ZC2HC1B: variants seen among roughly 807,000 people sequenced by gnomAD.
ZC2HC1B encodes zinc finger C2HC-type containing 1B, also known as zinc finger C2HC domain-containing protein 1B.
In ZC2HC1B, 36 loss-of-function variants were observed where a neutral mutation model predicts 31.0. The ratio of observed to expected loss-of-function variants is 1.16; its 90% confidence interval spans 0.89 to 1.54. The LOEUF (loss-of-function observed/expected upper bound fraction) is 1.54. Ranked by LOEUF, ZC2HC1B falls within the 40% of genes most tolerant of loss-of-function variation. The probability of loss-of-function intolerance (pLI) is 0.00; values close to 1 mark genes in which losing one functional copy is unlikely to be tolerated. For synonymous variants in ZC2HC1B, 73 were observed against 88.0 expected, an observed-to-expected ratio of 0.83 and a Z score of 0.95; for missense variants, 260 against 268.6, an observed-to-expected ratio of 0.97 and a Z score of 0.22.
At chr6:143,920,798 C>T (rs1385954769) in intron 6 of ZC2HC1B, among the ~76,000 whole-genome samples, 1 of 151,478 alleles carries the variant, frequency 6.6e-6, no homozygotes, top group Non-Finnish European at 1.5e-5. Flanking sequence ...ATCCCAGCTA[C>T]TCGGGAGGCT....
intron 1 of ZC2HC1B, 111 bp downstream of exon 1, chr6:143,864,678 G>T (rs371419948): frequency 8.5e-7 from 1 of 1,180,960 alleles, no homozygotes; most frequent in Admixed American, 2.1e-5. Flanking sequence ...TGTGTGATCC[G>T]TTTAAATCTA....
At chr6:143,881,856 T>C (rs1777472321) in intron 1 of ZC2HC1B, 1 of 152,162 alleles carries the variant, frequency 6.6e-6, no homozygotes, top group Non-Finnish European at 1.5e-5. Flanking sequence ...TCCATCTGTA[T>C]CCAAGTATTG....
At position 143,886,198 on chromosome 6, in the gene ZC2HC1B, C is replaced by T; in HGVS notation, c.210+47C>T. 7.0e-7 allele frequency: 1 copy of T among 1,426,862 alleles called. No homozygotes were observed. The highest frequency in any genetic ancestry group is 1.6e-5 in the South Asian group (1 of 60,994). 88.4% of individuals were successfully genotyped at this position (1,426,862 alleles called of 1,614,324 possible). Reference sequence around the variant, plus strand: ...GTGTTTGTTATTACATTCTGCGGTACTGTAAGGCCTATTTCTGGGATTTCT... The same window carrying T: ...GTGTTTGTTATTACATTCTGCGGTATTGTAAGGCCTATTTCTGGGATTTCT... On this transcript the variant is annotated intron_variant, in intron 3 of 7. Transcript: ENST00000237275. The surrounding 1 kb of genome is among the most constrained non-coding windows in gnomAD (Gnocchi z 4.2).
chr6:143,919,952 C>T (rs939630982), intron 6 of ZC2HC1B, among the ~76,000 whole-genome samples: 1 of 151,994 alleles, frequency 6.6e-6, no homozygotes. Context: ...TTAGTTTTTT[C>T]CTCATTTGGG....
At chr6:143,928,420 A>G (rs986519514) in intron 6 of ZC2HC1B, among the ~76,000 whole-genome samples, 1 of 152,068 alleles carries the variant, frequency 6.6e-6, no homozygotes, top group Non-Finnish European at 1.5e-5. Flanking sequence ...TCAGTTGGCT[A>G]TAGGTATGTG....
At chr6:143,928,609 A>G (rs531311826) in intron 6 of ZC2HC1B, among the ~76,000 whole-genome samples, 1 of 151,664 alleles carries the variant, frequency 6.6e-6, no homozygotes, top group South Asian at 2.1e-4. Context: ...TTTTTTTTCT[A>G]ATTCTGTGAA....
intron 5 of ZC2HC1B, among the ~76,000 whole-genome samples, chr6:143,902,798 C>T (rs992267283): frequency 1.3e-5 from 2 of 152,134 alleles, no homozygotes; most frequent in Admixed American, 1.3e-4. Flanking sequence ...CCACCAACCC[C>T]AAGGGCTTAA....
At position 143,872,238 on chromosome 6, in the gene ZC2HC1B, A is replaced by G. The variant is rs2128493158; in HGVS notation, c.28+7671A>G. Among the ~76,000 whole-genome samples, 1 of 152,288 alleles carries G rather than the reference A, an allele frequency of 6.6e-6. No individual in the cohort carries two copies. Among genetic ancestry groups the G allele is most frequent in the East Asian group, 1.9e-4 (1 of 5,180 alleles). ...GTTCGTAAACTGGCTCAAGTCTGGA[A>G]ATTAAGGGGCCATGATTCTCTGTTT... On this transcript the variant is annotated intron_variant, in intron 1 of 7. Coordinates refer to ENST00000237275, the MANE Select transcript of ZC2HC1B (RefSeq NM_001013623.3). The surrounding 1 kb of genome is among the most constrained non-coding windows in gnomAD (Gnocchi z 5.5).
At chr6:143,889,150 T>C (rs1310151267) in intron 4 of ZC2HC1B, among the ~76,000 whole-genome samples, 1 of 151,978 alleles carries the variant, frequency 6.6e-6, no homozygotes, top group Non-Finnish European at 1.5e-5. Context: ...TATAGTGTCA[T>C]TTAAAGGTAG....
rs760718470 is a variant in ZC2HC1B at position 143,885,985 on chromosome 6, C to A, written c.91-47C>A. 1 of 1,471,172 alleles carries A rather than the reference C, an allele frequency of 6.8e-7. No individual in the cohort carries two copies. The highest frequency in any genetic ancestry group is 9.0e-7 in the Non-Finnish European group (1 of 1,112,200). 91.1% of individuals were successfully genotyped at this position (1,471,172 alleles called of 1,614,324 possible). ...TCTAGGTACACCTAGGCATTAAAAA[C>A]TGATTGTGCACTTTAGAAATTCCAA... On this transcript the variant is annotated intron_variant, in intron 2 of 7. Coordinates refer to ENST00000237275, the MANE Select transcript of ZC2HC1B (RefSeq NM_001013623.3). The surrounding 1 kb of genome is among the most constrained non-coding windows in gnomAD (Gnocchi z 4.2).
rs536054979 is a variant in ZC2HC1B, at chr6:143,873,676, C to T, written c.28+9109C>T. 1.0e-4 allele frequency among the ~76,000 whole-genome samples: 16 copies of T among 152,396 alleles called. No homozygotes were observed. The South Asian group carries it at 3.3e-3, about 32-fold the overall frequency. On this transcript the variant is annotated intron_variant, in intron 1 of 7. Transcript: ENST00000237275. Reference sequence around the variant, plus strand: ...ATATGGAAGCTGCCAAGGCTTGGGGCTTCCACCCTCTGAAGGCATAGCCCG... The same window carrying T: ...ATATGGAAGCTGCCAAGGCTTGGGGTTTCCACCCTCTGAAGGCATAGCCCG...
At chr6:143,936,953 T>C (rs1778186089) in intron 6 of ZC2HC1B, among the ~76,000 whole-genome samples, 1 of 152,194 alleles carries the variant, frequency 6.6e-6, no homozygotes, top group African/African-American at 2.4e-5. Flanking sequence ...CTTTGAGAGT[T>C]TGATTCACAA....
rs1239107846 is a variant in ZC2HC1B, at chr6:143,895,773, T to C, written c.350-2779T>C. ...ATAGACACGGATACACAGCACAATA[T>C]TGGCATTTTAAAATAATGCTTGGTT... is the stretch of plus-strand genomic sequence containing the variant. On this transcript the variant is annotated intron_variant, in intron 4 of 7. Transcript: ENST00000237275. The surrounding 1 kb of genome is among the most constrained non-coding windows in gnomAD (Gnocchi z 4.8). Among the ~76,000 whole-genome samples, 1 of 152,212 alleles carries C rather than the reference T, an allele frequency of 6.6e-6. No homozygotes were observed. The highest frequency in any genetic ancestry group is 1.5e-5 in the Non-Finnish European group (1 of 68,040).
intron 1 of ZC2HC1B, among the ~76,000 whole-genome samples, chr6:143,874,711 A>G (rs1048854139): frequency 2.0e-5 from 3 of 152,226 alleles, no homozygotes; most frequent in Non-Finnish European, 4.4e-5. Flanking sequence ...ACCAGCCCCC[A>G]TGATTCAATT....
rs1777503239 is a variant in ZC2HC1B at position 143,884,069 on chromosome 6, G to C, written c.29-235G>C. Among the ~76,000 whole-genome samples the C allele has an allele frequency of 6.6e-6, 1 of 152,136 alleles. No homozygotes were observed. The highest frequency in any genetic ancestry group is 1.5e-5 in the Non-Finnish European group (1 of 68,038). ...ATATTAAATCAAATAATTATACTCT[G>C]GTTGCCTGAAGGATATGGAATTTAC... is the stretch of plus-strand genomic sequence containing the variant. On this transcript the variant is annotated intron_variant, in intron 1 of 7. Transcript: ENST00000237275. The surrounding 1 kb of genome is among the most constrained non-coding windows in gnomAD (Gnocchi z 5.1).
Position 143,923,357 on chromosome 6 carries a change from T to C in ZC2HC1B, c.599-14292T>C, listed in dbSNP as rs1303249730. Reference sequence around the variant, plus strand: ...CTTGCTTATTCTGAATATTAGTTCCTTGGGAGATGAATGGTTTGCAAATAT... The same window carrying C: ...CTTGCTTATTCTGAATATTAGTTCCCTGGGAGATGAATGGTTTGCAAATAT... On this transcript the variant is annotated intron_variant, in intron 6 of 7. Transcript: ENST00000237275. The surrounding 1 kb of genome is among the most constrained non-coding windows in gnomAD (Gnocchi z 4.8). Among the ~76,000 whole-genome samples the C allele has an allele frequency of 6.6e-6, 1 of 152,192 alleles. No homozygotes were observed. Among genetic ancestry groups the C allele is most frequent in the Non-Finnish European group, 1.5e-5 (1 of 68,006 alleles).
chr6:143,866,146 T>A (rs1378172147), intron 1 of ZC2HC1B, among the ~76,000 whole-genome samples: 1 of 152,216 alleles, frequency 6.6e-6, no homozygotes, highest in East Asian at 1.9e-4. Context: ...TGCCCGTGAA[T>A]GGTGTAAAAC....
rs1017106540 is a variant in ZC2HC1B at position 143,871,471 on chromosome 6, C to T, written c.28+6904C>T. On this transcript the variant is annotated intron_variant, in intron 1 of 7. Transcript: ENST00000237275. This position sits in a 1 kb window ranked among gnomAD's most constrained non-coding sequence, Gnocchi z 4.1. ...ATTTGCCAAGTCAATGGCTGCATAC[C>T]AGGTACCAAGAAATGTGTTAATTGG... is the stretch of plus-strand genomic sequence containing the variant. 2.6e-5 allele frequency among the ~76,000 whole-genome samples: 4 copies of T among 152,206 alleles called. No individual in the cohort carries two copies. Among genetic ancestry groups the T allele is most frequent in the African/African-American group, 4.8e-5 (2 of 41,456 alleles).
intron 6 of ZC2HC1B, among the ~76,000 whole-genome samples, chr6:143,931,567 A>C (rs1002541710): frequency 3.9e-5 from 6 of 152,088 alleles, no homozygotes; most frequent in African/African-American, 1.4e-4. Context: ...AAAAGACTTT[A>C]TCTCTCCTTC....
Sources: allele counts gnomAD v4.1 joint callset (sites outside exome capture counted in the v4.1 genomes callset), GRCh38; gene constraint gnomAD v4.1.1; non-coding constraint Gnocchi (gnomAD v3.1); transcripts MANE v1.5; gene names NCBI Gene and HGNC (gene_info 2026-07-23, HGNC 2026-07-21).